Variants in LRRC4C observed in about 807,000 individuals in gnomAD.
The protein encoded by LRRC4C is leucine rich repeat containing 4C.
In LRRC4C, 5 loss-of-function variants were observed where a neutral mutation model predicts 33.6. The observed-to-expected ratio is 0.15, with a 90% confidence interval of 0.08 to 0.31. The LOEUF is 0.31. Among genes scored for constraint, LRRC4C ranks in the 10% least tolerant of loss-of-function variants. LRRC4C has a pLI of 1.00. For missense variants in LRRC4C, 560 were observed against 796.7 expected, an observed-to-expected ratio of 0.70 and a Z score of 3.58; for synonymous variants, 329 against 302.0, an observed-to-expected ratio of 1.09 and a Z score of -0.93.
At chr11:40,375,567 C>T (rs1948625967) in intron 3 of LRRC4C, among the ~76,000 whole-genome samples, 1 of 152,068 alleles carries the variant, frequency 6.6e-6, no homozygotes, top group Non-Finnish European at 1.5e-5. Flanking sequence ...CAGGCTAGAG[C>T]TAGGTGGACA....
At chr11:41,317,356 T>C (rs551673254) in intron 1 of LRRC4C, among the ~76,000 whole-genome samples, 18 of 152,330 alleles carry the variant, frequency 1.2e-4, no homozygotes, top group Middle Eastern at 3.4e-3. Flanking sequence ...AAGTTTTATG[T>C]GTAATACATG....
At chr11:40,530,168 T>C (rs190504813) in intron 3 of LRRC4C, among the ~76,000 whole-genome samples, 8 of 152,186 alleles carry the variant, frequency 5.3e-5, no homozygotes, top group Admixed American at 5.2e-4. Flanking sequence ...TTAAAAACAT[T>C]TTCTCTGGTG....
At chr11:40,363,987 GTC>G (rs1418147549) in intron 3 of LRRC4C, among the ~76,000 whole-genome samples, 1 of 152,086 alleles carries the variant, frequency 6.6e-6, no homozygotes, top group Non-Finnish European at 1.5e-5. Context: ...TTTCTCTGAT[GTC>G]TTTTTCTTAG....
chr11:41,208,969 G>T (rs1946709350), intron 1 of LRRC4C, among the ~76,000 whole-genome samples: 1 of 151,992 alleles, frequency 6.6e-6, no homozygotes, highest in Non-Finnish European at 1.5e-5. Context: ...GGTTTGGAGT[G>T]CAGAGAGGCC....
chr11:40,578,377 A>G (rs1008614522), intron 3 of LRRC4C, among the ~76,000 whole-genome samples: 9 of 151,794 alleles, frequency 5.9e-5, no homozygotes, highest in African/African-American at 2.2e-4. Flanking sequence ...AATATTTTAA[A>G]ATTCTAGATT....
rs1413591265 is a variant in LRRC4C, at chr11:41,059,282, A to G, written c.-495-125559T>C. ...TAAGTTTTGATGACAAATAAACAAC[A>G]ACAACAACAAAAAACTTAGATACGT... On this transcript the variant is annotated intron_variant, in intron 1 of 6. Transcript: ENST00000528697. Among the ~76,000 whole-genome samples the G allele has an allele frequency of 3.3e-5, 5 of 150,436 alleles. No individual in the cohort carries two copies. In the East Asian group the frequency reaches 7.9e-4, roughly 24 times the overall value.
At chr11:41,033,470 C>T (rs1856841904) in intron 1 of LRRC4C, among the ~76,000 whole-genome samples, 1 of 152,064 alleles carries the variant, frequency 6.6e-6, no homozygotes, top group African/African-American at 2.4e-5. Context: ...TGGGCTTCCA[C>T]TTATCCCGTG....
chr11:40,365,471 T>A (rs1287219889), intron 3 of LRRC4C, among the ~76,000 whole-genome samples: 1 of 151,966 alleles, frequency 6.6e-6, no homozygotes. Context: ...GTTCTGCCGG[T>A]TTTTTTACCC....
intron 1 of LRRC4C, among the ~76,000 whole-genome samples, chr11:41,145,860 G>A (rs1943708090): frequency 6.6e-6 from 1 of 152,114 alleles, no homozygotes; most frequent in Non-Finnish European, 1.5e-5. Flanking sequence ...TTTCCACGGT[G>A]ATTTTGTGAG....
intron 2 of LRRC4C, among the ~76,000 whole-genome samples, chr11:40,712,613 A>C (rs1003459800): frequency 3.3e-5 from 5 of 152,176 alleles, no homozygotes; most frequent in Non-Finnish European, 7.3e-5. Flanking sequence ...TTAATATAAA[A>C]ATTTACCAAG....
At chr11:41,110,883 AG>A (rs1941789076) in intron 1 of LRRC4C, among the ~76,000 whole-genome samples, 1 of 152,082 alleles carries the variant, frequency 6.6e-6, no homozygotes, top group Admixed American at 6.6e-5. Context: ...GCTGTAAGCA[AG>A]CATCCGAGTA....
chr11:40,987,011 T>C (rs1220662792), intron 1 of LRRC4C, among the ~76,000 whole-genome samples: 2 of 152,216 alleles, frequency 1.3e-5, no homozygotes, highest in Non-Finnish European at 2.9e-5. Context: ...AGTTCTTCCC[T>C]GGGAACTCTA....
At chr11:40,447,586 C>T (rs1270326578) in intron 3 of LRRC4C, among the ~76,000 whole-genome samples, 3 of 152,064 alleles carry the variant, frequency 2.0e-5, no homozygotes, top group African/African-American at 4.8e-5. Flanking sequence ...GAGAAGAAAA[C>T]ATAAAGCACA....
chr11:40,793,836 C>T (rs556438524), intron 2 of LRRC4C, among the ~76,000 whole-genome samples: 1 of 152,286 alleles, frequency 6.6e-6, no homozygotes, highest in South Asian at 2.1e-4. Context: ...ATCACATTCT[C>T]TATCATGGAC....
chr11:41,386,322 T>A (rs2137945403), intron 1 of LRRC4C, among the ~76,000 whole-genome samples: 1 of 151,824 alleles, frequency 6.6e-6, no homozygotes, highest in South Asian at 2.1e-4. Context: ...TTCACCATTT[T>A]ATTTTGAAAT....
intron 2 of LRRC4C, among the ~76,000 whole-genome samples, chr11:40,768,589 A>G (rs1356857133): frequency 2.6e-5 from 4 of 152,132 alleles, no homozygotes; most frequent in African/African-American, 4.8e-5. Context: ...AAAATCCTCA[A>G]TAAAACACTG....
intron 3 of LRRC4C, among the ~76,000 whole-genome samples, chr11:40,485,362 G>A (rs7117433): frequency 0.34 from 51,851 of 151,062 alleles, 9,558 homozygotes; most frequent in East Asian, 0.58. Flanking sequence ...TCACATGCGC[G>A]CTCTCTCTCT....
intron 3 of LRRC4C, among the ~76,000 whole-genome samples, chr11:40,553,127 C>G (rs1393790259): frequency 6.6e-6 from 1 of 151,978 alleles, no homozygotes; most frequent in Non-Finnish European, 1.5e-5. Context: ...AAAAAATTAG[C>G]CCGGCGTAGT....
rs574543446 is a variant in LRRC4C at position 41,141,100 on chromosome 11, A to G, written c.-495-207377T>C. On this transcript the variant is annotated intron_variant, in intron 1 of 6. Transcript: ENST00000528697. ...TCATTGGTTATCAATAACAGCAGCT[A>G]AATGCAACTTCAAAGCAAAAAGTTT... 2.6e-5 allele frequency among the ~76,000 whole-genome samples: 4 copies of G among 152,298 alleles called. No individual in the cohort carries two copies. The East Asian group carries it at 7.7e-4, about 29-fold the overall frequency.
Sources: gnomAD v4.1 joint callset for allele counts (sites outside exome capture counted in the v4.1 genomes callset) on GRCh38, gnomAD v4.1.1 for gene constraint, MANE v1.5 for transcripts, NCBI Gene and HGNC (gene_info 2026-07-23, HGNC 2026-07-21) for gene names.